THRB: variants seen among roughly 807,000 people sequenced by gnomAD.
THRB encodes thyroid hormone receptor beta, also known as nuclear receptor subfamily 1 group A member 2.
THRB carries 12 observed loss-of-function variants against 47.8 expected under a neutral mutation model. That is an observed-to-expected ratio of 0.25 (90% CI 0.16 to 0.41). The LOEUF (loss-of-function observed/expected upper bound fraction) is 0.41, where lower values mean the gene tolerates loss of function less well. Ranked by LOEUF, THRB falls within the 10% of genes least tolerant of loss-of-function variation. The pLI, the probability that THRB is intolerant of heterozygous loss-of-function variation, is 1.00. For synonymous variants in THRB, 218 were observed against 212.2 expected, an observed-to-expected ratio of 1.03 and a Z score of -0.24; for missense variants, 348 against 589.2, an observed-to-expected ratio of 0.59 and a Z score of 4.24.
intron 1 of THRB, among the ~76,000 whole-genome samples, chr3:24,351,604 T>C (rs143126260): frequency 1.8e-3 from 279 of 152,292 alleles, no homozygotes; most frequent in African/African-American, 6.1e-3. Context: ...CAACTTCTTA[T>C]AGTGTATGCA....
At chr3:24,222,096 C>G (rs1051202248) in intron 4 of THRB, among the ~76,000 whole-genome samples, 1 of 152,192 alleles carries the variant, frequency 6.6e-6, no homozygotes, top group Non-Finnish European at 1.5e-5. Flanking sequence ...ATTAGCTGCA[C>G]AGAAATTCTT....
At chr3:24,267,855 A>ACC (rs1315024787) in intron 3 of THRB, among the ~76,000 whole-genome samples, 1 of 152,194 alleles carries the variant, frequency 6.6e-6, no homozygotes, top group Admixed American at 6.5e-5. Flanking sequence ...TGGTCCCGGT[A>ACC]CCCATCCCAA....
At chr3:24,276,860 G>A (rs1480696229) in intron 3 of THRB, among the ~76,000 whole-genome samples, 1 of 152,212 alleles carries the variant, frequency 6.6e-6, no homozygotes, top group Non-Finnish European at 1.5e-5. Context: ...AAGTGTTGAA[G>A]AAAGATTCGT....
intron 4 of THRB, among the ~76,000 whole-genome samples, chr3:24,227,588 G>A (rs1479849458): frequency 1.3e-5 from 2 of 152,202 alleles, no homozygotes; most frequent in African/African-American, 2.4e-5. Flanking sequence ...TCCAGTACGG[G>A]TGGGTAGAGA....
At chr3:24,145,428 C>A (rs1016366769) in intron 7 of THRB, among the ~76,000 whole-genome samples, 3 of 152,190 alleles carry the variant, frequency 2.0e-5, no homozygotes, top group Non-Finnish European at 4.4e-5. Context: ...ACACTAGTAT[C>A]TTAAACTTCT....
chr3:24,279,749 T>C (rs1488264216), intron 3 of THRB, among the ~76,000 whole-genome samples: 1 of 152,124 alleles, frequency 6.6e-6, no homozygotes, highest in African/African-American at 2.4e-5. Context: ...CTGTATTTCA[T>C]CCTCACATTG....
chr3:24,195,243 CTT>C (rs1175794356), intron 4 of THRB, among the ~76,000 whole-genome samples: 1 of 152,280 alleles, frequency 6.6e-6, no homozygotes, highest in African/African-American at 2.4e-5. Context: ...GAGCTAGACA[CTT>C]TATCTTCACA....
chr3:24,294,131 T>C (rs992529249), intron 3 of THRB, among the ~76,000 whole-genome samples: 19 of 152,192 alleles, frequency 1.2e-4, no homozygotes, highest in African/African-American at 4.6e-4. Flanking sequence ...TTTCCACTTT[T>C]ATACTCTTTT....
chr3:24,193,762 A>T (rs1334720854), intron 4 of THRB, among the ~76,000 whole-genome samples: 1 of 152,212 alleles, frequency 6.6e-6, no homozygotes, highest in Non-Finnish European at 1.5e-5. Flanking sequence ...CACCAATCCT[A>T]CTACTAGGTA....
Position 24,229,070 on chromosome 3 carries a change from A to G in THRB, c.-42-69T>C, listed in dbSNP as rs1229753815. 5.2e-6 allele frequency: 5 copies of G among 953,056 alleles called. No homozygotes were observed. In the African/African-American group the frequency reaches 6.5e-5, roughly 12 times the overall value. The allele number at this position is 953,056 out of a possible 1,614,324, so 59.0% of individuals were successfully genotyped here. Reference sequence around the variant, plus strand: ...ATTTTCCATAATGGTTTTGTTCCAAACAATATCATATGCATTAATTACCTT... The same window carrying G: ...ATTTTCCATAATGGTTTTGTTCCAAGCAATATCATATGCATTAATTACCTT... On this transcript the variant is annotated intron_variant, in intron 3 of 10. Transcript: ENST00000646209.
intron 1 of THRB, among the ~76,000 whole-genome samples, chr3:24,407,016 C>T (rs988021562): frequency 2.8e-4 from 42 of 151,850 alleles, no homozygotes; most frequent in African/African-American, 1.0e-3. Context: ...GATATTAGCA[C>T]ATCCAAAGAA....
intron 3 of THRB, among the ~76,000 whole-genome samples, chr3:24,262,585 G>A (rs6794127): frequency 6.6e-6 from 1 of 152,066 alleles, no homozygotes; most frequent in African/African-American, 2.4e-5. Context: ...CTCACCTCAG[G>A]ACTTTTGAAT....
At chr3:24,471,205 A>G (rs533864824) in intron 1 of THRB, among the ~76,000 whole-genome samples, 17 of 152,306 alleles carry the variant, frequency 1.1e-4, no homozygotes, top group African/African-American at 3.8e-4. Flanking sequence ...AGTTTCCAGG[A>G]GCATCAGCAT....
chr3:24,241,045 C>T (rs1242339858), intron 3 of THRB, among the ~76,000 whole-genome samples: 3 of 152,160 alleles, frequency 2.0e-5, no homozygotes, highest in Non-Finnish European at 4.4e-5. Flanking sequence ...CTGAGGGCCA[C>T]TTGCATTTTA....
At chr3:24,307,316 A>G (rs902728534) in intron 2 of THRB, among the ~76,000 whole-genome samples, 4 of 140,854 alleles carry the variant, frequency 2.8e-5, no homozygotes, top group African/African-American at 1.0e-4. Flanking sequence ...AACTACAGAA[A>G]AGTATTAAAA....
In THRB at chr3:24,153,239, C is replaced by T. The variant is rs138072441; in HGVS notation, c.284-749G>A. ...AAAGGTCCCGGGAGATGACGAAGTC[C>T]TTGTAAGGTGAAGAAACAGGCCTGC... On this transcript the variant is annotated intron_variant, in intron 5 of 10. Transcript: ENST00000646209. Among the ~76,000 whole-genome samples, 558 of 152,252 alleles carry T rather than the reference C, an allele frequency of 3.7e-3. 2 individuals are homozygous for T. Among genetic ancestry groups the T allele is most frequent in the Middle Eastern group, 0.02 (6 of 294 alleles).
At chr3:24,403,875 A>C (rs2067618505) in intron 1 of THRB, among the ~76,000 whole-genome samples, 1 of 152,002 alleles carries the variant, frequency 6.6e-6, no homozygotes, top group African/African-American at 2.4e-5. Flanking sequence ...AACATAATTT[A>C]GTTTTTCTTG....
At chr3:24,268,282 G>A (rs932348517) in intron 3 of THRB, among the ~76,000 whole-genome samples, 1 of 152,146 alleles carries the variant, frequency 6.6e-6, no homozygotes, top group Non-Finnish European at 1.5e-5. Context: ...TATAGAATAT[G>A]ACTAAACAAT....
intron 3 of THRB, among the ~76,000 whole-genome samples, chr3:24,270,136 T>A (rs1489939739): frequency 2.0e-5 from 3 of 152,362 alleles, no homozygotes; most frequent in Admixed American, 6.5e-5. Context: ...AAATAAATTT[T>A]AAAAACTGCA....
Sources: gnomAD v4.1 joint callset for allele counts (sites outside exome capture counted in the v4.1 genomes callset) on GRCh38, gnomAD v4.1.1 for gene constraint, MANE v1.5 for transcripts, NCBI Gene and HGNC (gene_info 2026-07-23, HGNC 2026-07-21) for gene names.